The following TMEM184B variants were observed in gnomAD, a reference collection of about 807,000 sequenced individuals.
TMEM184B encodes transmembrane protein 184B.
A neutral mutation model predicts 41.8 loss-of-function variants in TMEM184B; 17 were observed. The observed-to-expected ratio is 0.41, with a 90% CI of 0.28 to 0.61. The LOEUF (loss-of-function observed/expected upper bound fraction) is 0.61. Among genes scored for constraint, TMEM184B ranks in the 20% least tolerant of loss-of-function variants. The probability of loss-of-function intolerance (pLI) is 0.34; values close to 1 mark genes in which losing one functional copy is unlikely to be tolerated. For missense variants in TMEM184B, 393 were observed against 557.8 expected, an observed-to-expected ratio of 0.70 and a Z score of 2.98; for synonymous variants, 240 against 229.5, an observed-to-expected ratio of 1.05 and a Z score of -0.41.
intron 1 of TMEM184B, among the ~76,000 whole-genome samples, chr22:38,250,591 T>C (rs1374320350): frequency 6.6e-6 from 1 of 152,250 alleles, no homozygotes; most frequent in African/African-American, 2.4e-5. Flanking sequence ...TAAATCATCA[T>C]CTTTGTCTAT....
intron 1 of TMEM184B, among the ~76,000 whole-genome samples, chr22:38,257,955 G>A (rs1026073603): frequency 2.0e-5 from 3 of 152,048 alleles, no homozygotes; most frequent in Non-Finnish European, 4.4e-5. Flanking sequence ...CCCAGACAAG[G>A]CCCCCTGGCT....
rs1261053024 is a variant in TMEM184B, at chr22:38,247,808, A to T, written c.154T>A (p.Phe52Ile). ...MTTAAQAISGFFVWTALLITC... is the reference protein window; with the variant it reads ...MTTAAQAISGIFVWTALLITC... The stretch of plus-strand genomic sequence containing the variant: ...ATGAGCAGGGCCGTCCACACGAAGA[A>T]GCCAGAGATGGCCTGAGCGGCAGTT... The change falls in exon 2 of 9, where the codon TTC becomes ATC. Residue 52 changes from phenylalanine to isoleucine, a missense_variant. Transcript: ENST00000361906. 3 of 1,614,068 alleles carry T rather than the reference A, an allele frequency of 1.9e-6. No homozygotes were observed. Among genetic ancestry groups the T allele is most frequent in the Non-Finnish European group, 2.5e-6 (3 of 1,180,006 alleles).
intron 1 of TMEM184B, among the ~76,000 whole-genome samples, chr22:38,262,859 T>C (rs1170998989): frequency 6.6e-6 from 1 of 152,212 alleles, no homozygotes; most frequent in East Asian, 1.9e-4. Context: ...TTGACCTTCC[T>C]ACACTGGGCA....
chr22:38,268,841 G>A (rs1282431585), intron 1 of TMEM184B, among the ~76,000 whole-genome samples: 2 of 152,210 alleles, frequency 1.3e-5, no homozygotes, highest in Non-Finnish European at 2.9e-5. Flanking sequence ...AGCTGCACTC[G>A]GCTCCTGAGG....
At chr22:38,272,267 G>A (rs910424456) in intron 1 of TMEM184B, among the ~76,000 whole-genome samples, 3 of 152,196 alleles carry the variant, frequency 2.0e-5, no homozygotes, top group Admixed American at 1.3e-4. Flanking sequence ...GTGCCCAGGA[G>A]GAAATGTACA....
At chr22:38,231,042 GA>G (rs2145597817) in intron 4 of TMEM184B, among the ~76,000 whole-genome samples, 1 of 152,342 alleles carries the variant, frequency 6.6e-6, no homozygotes, top group Non-Finnish European at 1.5e-5. Flanking sequence ...GAGACAGGAA[GA>G]GACAGAGAGA....
intron 3 of TMEM184B, among the ~76,000 whole-genome samples, chr22:38,245,295 G>C: frequency 6.6e-6 from 1 of 151,992 alleles, no homozygotes; most frequent in East Asian, 1.9e-4. Context: ...CGAGACCCAG[G>C]GGGAGGGCCC....
intron 5 of TMEM184B, among the ~76,000 whole-genome samples, chr22:38,227,373 C>T (rs1202195959): frequency 1.3e-5 from 2 of 152,068 alleles, no homozygotes; most frequent in Non-Finnish European, 2.9e-5. Context: ...AGGGGCTGCG[C>T]ACTAGAGAGG....
intron 3 of TMEM184B, among the ~76,000 whole-genome samples, chr22:38,236,405 AG>A (rs952060970): frequency 6.6e-6 from 1 of 152,192 alleles, no homozygotes; most frequent in African/African-American, 2.4e-5. Context: ...CCTTCTTCCC[AG>A]GGGCAGATGG....
downstream of TMEM184B, among the ~76,000 whole-genome samples, chr22:38,218,617 C>T (rs765679972): frequency 1.3e-5 from 2 of 152,230 alleles, no homozygotes; most frequent in Middle Eastern, 3.4e-3. Flanking sequence ...GTAGGTAGGC[C>T]GTGTCCACGG....
intron 8 of TMEM184B, among the ~76,000 whole-genome samples, chr22:38,224,343 T>C (rs957988270): frequency 2.0e-5 from 3 of 152,196 alleles, no homozygotes; most frequent in African/African-American, 4.8e-5. Flanking sequence ...CTCGATCTCC[T>C]GACCTTGTGA....
chr22:38,260,150 C>T (rs752185599), intron 1 of TMEM184B, among the ~76,000 whole-genome samples: 5 of 152,000 alleles, frequency 3.3e-5, no homozygotes, highest in Non-Finnish European at 5.9e-5. Context: ...CCTTGTGTTC[C>T]GCCCACCTTG....
intron 3 of TMEM184B, among the ~76,000 whole-genome samples, chr22:38,237,211 AT>A (rs2091795518): frequency 6.6e-6 from 1 of 152,256 alleles, no homozygotes; most frequent in Admixed American, 6.5e-5. Context: ...GGAAGGAGTT[AT>A]CCCCGCTTAC....
chr22:38,261,510 A>C (rs1170164195), intron 1 of TMEM184B, among the ~76,000 whole-genome samples: 1 of 152,234 alleles, frequency 6.6e-6, no homozygotes, highest in African/African-American at 2.4e-5. Flanking sequence ...GCAGAAATAA[A>C]GGGGAACAAC....
At chr22:38,234,992 C>T (rs139915165) in intron 3 of TMEM184B, among the ~76,000 whole-genome samples, 315 of 152,308 alleles carry the variant, frequency 2.1e-3, no homozygotes, top group African/African-American at 7.2e-3. Context: ...CAAGAGTCCA[C>T]GGTGTGTTAC....
intron 3 of TMEM184B, among the ~76,000 whole-genome samples, chr22:38,237,179 G>A (rs573917737): frequency 1.3e-5 from 2 of 151,924 alleles, no homozygotes; most frequent in Admixed American, 1.3e-4. Flanking sequence ...CCCCCGCAAC[G>A]GCCACCCTCA....
chr22:38,268,987 G>A (rs1490642200), intron 1 of TMEM184B, among the ~76,000 whole-genome samples: 7 of 152,252 alleles, frequency 4.6e-5, no homozygotes, highest in African/African-American at 1.2e-4. Flanking sequence ...ACATTGGTCA[G>A]GCCAGCCACG....
intron 1 of TMEM184B, among the ~76,000 whole-genome samples, chr22:38,267,424 A>G (rs1028400085): frequency 2.1e-5 from 3 of 140,940 alleles, no homozygotes; most frequent in Admixed American, 7.1e-5. Context: ...TGTTCCAACC[A>G]CCCCTAATAT....
chr22:38,224,772 C>A lies in TMEM184B; in HGVS notation c.982+13G>T, dbSNP rs1422612969. On this transcript the variant is annotated intron_variant, in intron 8 of 8. Coordinates refer to ENST00000361906, the MANE Select transcript of TMEM184B (RefSeq NM_012264.5). ...TTCTCCCAGCGGGGGTCGCCTAGGACCCTGGCTCATACCTTGTGCGTCCAG... is the reference window on the plus strand; with the variant it reads ...TTCTCCCAGCGGGGGTCGCCTAGGAACCTGGCTCATACCTTGTGCGTCCAG... 7 of 1,577,498 alleles carry A rather than the reference C, an allele frequency of 4.4e-6. No individual in the cohort carries two copies. Among genetic ancestry groups the A allele is most frequent in the Non-Finnish European group, 5.2e-6 (6 of 1,157,092 alleles).
Sources: allele counts gnomAD v4.1 joint callset (sites outside exome capture counted in the v4.1 genomes callset), GRCh38; gene constraint gnomAD v4.1.1; transcripts MANE v1.5; gene names NCBI Gene and HGNC (gene_info 2026-07-23, HGNC 2026-07-21).